GAB2: variants seen among roughly 807,000 people sequenced by gnomAD.
GAB2 encodes GRB2-associated-binding protein 2.
GAB2 carries 26 observed loss-of-function variants against 65.5 expected under a neutral mutation model. That is an observed-to-expected ratio of 0.40 (90% CI 0.29 to 0.55). The LOEUF is 0.55. Ranked by LOEUF, GAB2 falls within the 20% of genes least tolerant of loss-of-function variation. The pLI, the probability that GAB2 is intolerant of heterozygous loss-of-function variation, is 0.53. For synonymous variants in GAB2, 321 were observed against 329.6 expected (o/e 0.97, Z 0.28); for missense variants, 884 against 875.8 (o/e 1.01, Z -0.12).
At chr11:78,286,594 A>C (rs946685004) in intron 1 of GAB2, among the ~76,000 whole-genome samples, 1 of 151,770 alleles carries the variant, frequency 6.6e-6, no homozygotes, top group African/African-American at 2.4e-5. Context: ...ATTTTTTTTC[A>C]TTCCATGAAT....
chr11:78,405,777 T>C (rs1302544623), intron 1 of GAB2, among the ~76,000 whole-genome samples: 2 of 152,210 alleles, frequency 1.3e-5, no homozygotes, highest in Non-Finnish European at 2.9e-5. Flanking sequence ...GTTTTCTTTA[T>C]GCCTCATATA....
At chr11:78,308,303 G>T (rs1040511043) in intron 1 of GAB2, among the ~76,000 whole-genome samples, 1 of 152,124 alleles carries the variant, frequency 6.6e-6, no homozygotes, top group Non-Finnish European at 1.5e-5. Context: ...GGAGGCTGAG[G>T]GTGCAGTAAG....
intron 3 of GAB2, among the ~76,000 whole-genome samples, chr11:78,245,928 G>A (rs1191235319): frequency 2.0e-5 from 3 of 151,498 alleles, no homozygotes; most frequent in South Asian, 2.1e-4. Flanking sequence ...GTTGGCAGAG[G>A]GTTTTTTTAT....
chr11:78,380,395 G>A (rs1192092096), intron 1 of GAB2, among the ~76,000 whole-genome samples: 1 of 152,058 alleles, frequency 6.6e-6, no homozygotes, highest in African/African-American at 2.4e-5. Context: ...AGTAGAGACA[G>A]GGGTTTCACC....
At chr11:78,233,520 T>G (rs183291312) in intron 3 of GAB2, among the ~76,000 whole-genome samples, 344 of 152,360 alleles carry the variant, frequency 2.3e-3, no homozygotes, top group South Asian at 5.0e-3. Flanking sequence ...TGCTCTCTTC[T>G]TACTGAGTTG....
intron 1 of GAB2, among the ~76,000 whole-genome samples, chr11:78,281,408 G>A (rs1277226429): frequency 2.0e-5 from 3 of 152,128 alleles, no homozygotes; most frequent in Non-Finnish European, 4.4e-5. Context: ...ACCACGCCTG[G>A]CTAATTTTGT....
intron 1 of GAB2, among the ~76,000 whole-genome samples, chr11:78,364,696 A>G (rs1856475824): frequency 1.3e-5 from 2 of 152,172 alleles, no homozygotes; most frequent in South Asian, 2.1e-4. Flanking sequence ...AAATGCTGTG[A>G]TAGGCCTTGA....
At position 78,250,176 on chromosome 11, in the gene GAB2, G is replaced by A. The variant is rs1465572548; in HGVS notation, c.601C>T (p.Arg201Ter). ...EYLYLHQCIS[R>*]RAENARSASF... ...TCCTACCTTGCATTTTCTGCTCTTCGGCTTATGCACTGGTGCAAGTAGAGA... is the reference window on the plus strand; with the variant it reads ...TCCTACCTTGCATTTTCTGCTCTTCAGCTTATGCACTGGTGCAAGTAGAGA... The change falls in exon 3 of 10, where the codon CGA becomes TGA. Residue 201 changes from arginine (R) to a stop codon, truncating the protein, a stop_gained. Coordinates refer to ENST00000361507, the MANE Select transcript of GAB2 (RefSeq NM_080491.3). LOFTEE classifies it high-confidence loss of function. 2 of 1,612,712 alleles carry A rather than the reference G, an allele frequency of 1.2e-6. No homozygotes were observed. Among genetic ancestry groups the A allele is most frequent in the African/African-American group, 1.3e-5 (1 of 74,524 alleles).
intron 1 of GAB2, among the ~76,000 whole-genome samples, chr11:78,288,398 A>AAG (rs56094348): frequency 1.8e-4 from 16 of 88,586 alleles, no homozygotes; most frequent in Admixed American, 1.6e-3. Context: ...AAAAAAAAAA[A>AAG]GAAGAAGAAG....
chr11:78,366,585 C>CAAAAAAA (rs33997665), intron 1 of GAB2, among the ~76,000 whole-genome samples: 5 of 32,928 alleles, frequency 1.5e-4, no homozygotes, highest in Non-Finnish European at 1.4e-4. Context: ...GACTCCATCT[C>CAAAAAAA]AAAAAAAAAA....
At chr11:78,270,923 T>C (rs986401417) in intron 2 of GAB2, among the ~76,000 whole-genome samples, 1 of 152,202 alleles carries the variant, frequency 6.6e-6, no homozygotes, top group Non-Finnish European at 1.5e-5. Context: ...TCAACATCAA[T>C]AAGGCAAATG....
intron 1 of GAB2, among the ~76,000 whole-genome samples, chr11:78,365,151 A>G (rs909621144): frequency 1.3e-5 from 2 of 152,180 alleles, no homozygotes; most frequent in African/African-American, 4.8e-5. Flanking sequence ...TTTGTGTAGG[A>G]AAAGGAGTCT....
intron 3 of GAB2, among the ~76,000 whole-genome samples, chr11:78,248,363 A>T (rs1406936177): frequency 6.6e-6 from 1 of 152,194 alleles, no homozygotes; most frequent in South Asian, 2.1e-4. Context: ...AAAGCCTTCT[A>T]CTTAGTGTGA....
chr11:78,409,008 T>C (rs1485670558), intron 1 of GAB2, among the ~76,000 whole-genome samples: 2 of 152,208 alleles, frequency 1.3e-5, no homozygotes, highest in Admixed American at 6.5e-5. Flanking sequence ...ACCCCAACAA[T>C]ATGCCACCTA....
chr11:78,389,090 C>T (rs1208262684), intron 1 of GAB2, among the ~76,000 whole-genome samples: 1 of 152,168 alleles, frequency 6.6e-6, no homozygotes, highest in Non-Finnish European at 1.5e-5. Flanking sequence ...TCTTTGCTCC[C>T]AGGGTCCTCC....
chr11:78,226,731 A>T lies in GAB2; in HGVS notation c.941T>A (p.Met314Lys). Residue 314 changes from methionine (M) to lysine (K), a missense_variant, in exon 4 of 10, where the codon ATG becomes AAG. Coordinates refer to ENST00000361507, the MANE Select transcript of GAB2 (RefSeq NM_080491.3). ...TGAGAGTGGGGTGGCCGGAACATCC[A>T]TATTGTCTACCAGGAGGTCCCCGAA... ...REFGDLLVDN[M>K]DVPATPLSAY... 1 of 1,613,866 alleles carries T rather than the reference A, an allele frequency of 6.2e-7. No homozygotes were observed. The highest frequency in any genetic ancestry group is 8.5e-7 in the Non-Finnish European group (1 of 1,179,936).
At chr11:78,335,876 T>C (rs923261791) in intron 1 of GAB2, among the ~76,000 whole-genome samples, 1 of 152,212 alleles carries the variant, frequency 6.6e-6, no homozygotes, top group African/African-American at 2.4e-5. Context: ...ATGGAATATC[T>C]TTCCATTTTC....
At chr11:78,244,744 T>A (rs1283105451) in intron 3 of GAB2, among the ~76,000 whole-genome samples, 1 of 146,804 alleles carries the variant, frequency 6.8e-6, no homozygotes, top group East Asian at 2.1e-4. Context: ...TGAGATATTA[T>A]CTCACCCCAG....
intron 1 of GAB2, among the ~76,000 whole-genome samples, chr11:78,407,310 GA>G (rs1206921326): frequency 6.6e-6 from 1 of 151,688 alleles, no homozygotes; most frequent in Non-Finnish European, 1.5e-5. Flanking sequence ...AAAATAAAGA[GA>G]AAAAAAATCA....
Sources: gnomAD v4.1 joint callset for allele counts (sites outside exome capture counted in the v4.1 genomes callset) on GRCh38, gnomAD v4.1.1 for gene constraint, MANE v1.5 for transcripts, NCBI Gene and HGNC (gene_info 2026-07-23, HGNC 2026-07-21) for gene names.